SRFBP1: variants seen among roughly 807,000 people sequenced by gnomAD.
SRFBP1 encodes serum response factor binding protein 1.
In SRFBP1, 47 loss-of-function variants were observed where a neutral mutation model predicts 45.5. That is an observed-to-expected ratio of 1.03 (90% CI 0.82 to 1.32). SRFBP1 has a LOEUF of 1.32. SRFBP1 is among the 40% of genes most tolerant of loss of function. The pLI is 0.00. For synonymous variants in SRFBP1, 203 were observed against 166.3 expected, an observed-to-expected ratio of 1.22 and a Z score of -1.70; for missense variants, 621 against 484.6, an observed-to-expected ratio of 1.28 and a Z score of -2.64.
chr5:122,030,692 C>T (rs996473084), downstream of SRFBP1, among the ~76,000 whole-genome samples: 3 of 151,522 alleles, frequency 2.0e-5, no homozygotes, highest in African/African-American at 7.3e-5. Flanking sequence ...GTTAAAATAG[C>T]GTCTTTAATG....
rs115530222 is a variant in SRFBP1, at chr5:122,013,071, G to A, written c.271-6189G>A. On this transcript the variant is annotated intron_variant, in intron 4 of 7. Coordinates refer to ENST00000339397, the MANE Select transcript of SRFBP1 (RefSeq NM_152546.3). ...AGAGATCTTCCAGATCAAAAGTCCT[G>A]ATGTTGCATTTTAGTCCCTCTTCAA... Among the ~76,000 whole-genome samples, 621 of 152,156 alleles carry A rather than the reference G, an allele frequency of 4.1e-3. 8 individuals carry two copies. Among genetic ancestry groups the A allele is most frequent in the African/African-American group, 0.014 (601 of 41,518 alleles).
chr5:122,055,476 T>A (rs1297413576), intron 2 of SRFBP1, among the ~76,000 whole-genome samples: 1 of 152,182 alleles, frequency 6.6e-6, no homozygotes, highest in Non-Finnish European at 1.5e-5. Flanking sequence ...CATTTGTAAA[T>A]GTAGTTGTAA....
intron 2 of SRFBP1, among the ~76,000 whole-genome samples, chr5:122,053,472 G>A (rs530585160): frequency 1.3e-5 from 2 of 152,286 alleles, no homozygotes; most frequent in East Asian, 3.9e-4. Flanking sequence ...CTCCAACTGA[G>A]TTCATGCAGA....
At chr5:122,009,578 G>GT (rs1753047262) in intron 4 of SRFBP1, among the ~76,000 whole-genome samples, 1 of 152,328 alleles carries the variant, frequency 6.6e-6, no homozygotes, top group African/African-American at 2.4e-5. Context: ...CTTCAGATGA[G>GT]TAGAAGGATA....
intron 7 of SRFBP1, among the ~76,000 whole-genome samples, chr5:122,024,514 CTTCA>C (rs1405470240): frequency 6.6e-6 from 1 of 152,174 alleles, no homozygotes; most frequent in Non-Finnish European, 1.5e-5. Context: ...TAGGAGTTCT[CTTCA>C]TTCATCAGCG....
At position 122,069,156 on chromosome 5, in the gene SRFBP1, A is replaced by T. The variant is rs79242217; in HGVS notation, n.312-6159A>T. Among the ~76,000 whole-genome samples, 862 of 152,242 alleles carry T rather than the reference A, an allele frequency of 5.7e-3. 10 individuals are homozygous for T. Among genetic ancestry groups the T allele is most frequent in the African/African-American group, 0.02 (815 of 41,556 alleles). ...TATGTAGAAAGTCCTGGGTTTTTGT[A>T]TCAGGCAGAAATTTCTATTAATTAT... is the stretch of plus-strand genomic sequence containing the variant. On this transcript the variant is annotated intron_variant and non_coding_transcript_variant, in intron 2 of 2. Transcript: ENST00000504881.
chr5:122,006,353 G>T (rs1285960528), intron 4 of SRFBP1, among the ~76,000 whole-genome samples: 1 of 152,066 alleles, frequency 6.6e-6, no homozygotes, highest in African/African-American at 2.4e-5. Context: ...TTGACAGTTT[G>T]ATTATGTGTC....
intron 1 of SRFBP1, among the ~76,000 whole-genome samples, chr5:121,969,893 T>G (rs1752151902): frequency 6.6e-6 from 1 of 152,138 alleles, no homozygotes; most frequent in East Asian, 1.9e-4. Flanking sequence ...TGCCTCTGTT[T>G]TCTCTGTGCT....
chr5:122,060,957 A>T (rs530253305), intron 2 of SRFBP1, among the ~76,000 whole-genome samples: 1 of 152,236 alleles, frequency 6.6e-6, no homozygotes, highest in South Asian at 2.1e-4. Flanking sequence ...GTTGTTTTTC[A>T]TTCACGAATC....
At chr5:121,965,250 A>G (rs1393047797) in intron 1 of SRFBP1, among the ~76,000 whole-genome samples, 3 of 152,100 alleles carry the variant, frequency 2.0e-5, no homozygotes, top group Admixed American at 6.5e-5. Context: ...TGTTTTAGTC[A>G]TGTAGTCTTT....
At chr5:121,980,030 A>C (rs148087211) in intron 3 of SRFBP1, among the ~76,000 whole-genome samples, 70 of 152,308 alleles carry the variant, frequency 4.6e-4, no homozygotes, top group African/African-American at 1.4e-3. Context: ...GCTTACCAGC[A>C]TGTTAACACG....
intron 4 of SRFBP1, among the ~76,000 whole-genome samples, chr5:121,999,395 T>G (rs1396582241): frequency 6.6e-6 from 1 of 152,148 alleles, no homozygotes; most frequent in Non-Finnish European, 1.5e-5. Flanking sequence ...GTATAGCATA[T>G]CTTGGTAAAT....
At position 122,015,846 on chromosome 5, in the gene SRFBP1, A is replaced by G. The variant is rs77927672; in HGVS notation, c.271-3414A>G. On this transcript the variant is annotated intron_variant, in intron 4 of 7. Transcript: ENST00000339397. ...AGCTTTTTTATTTTAAGCACTAGCTATTAACTTTATGTTGTGGTAGGTAAA... is the reference window on the plus strand; with the variant it reads ...AGCTTTTTTATTTTAAGCACTAGCTGTTAACTTTATGTTGTGGTAGGTAAA... Among the ~76,000 whole-genome samples, 1,050 of 152,286 alleles carry G rather than the reference A, an allele frequency of 6.9e-3. 11 individuals carry two copies. Among genetic ancestry groups the G allele is most frequent in the African/African-American group, 0.023 (967 of 41,558 alleles).
chr5:121,998,108 G>T (rs6595338), intron 4 of SRFBP1, among the ~76,000 whole-genome samples: 2 of 151,016 alleles, frequency 1.3e-5, no homozygotes, highest in African/African-American at 4.8e-5. Context: ...TCAGTGTGGC[G>T]ATTCCTCAGG....
chr5:121,983,876 G>T (rs1015493840), intron 3 of SRFBP1, among the ~76,000 whole-genome samples: 20 of 151,680 alleles, frequency 1.3e-4, no homozygotes, highest in African/African-American at 4.8e-4. Context: ...TTGTTCTCCT[G>T]TTCAAGACCC....
intron 3 of SRFBP1, among the ~76,000 whole-genome samples, chr5:121,981,721 T>C (rs1024376681): frequency 2.6e-5 from 4 of 152,010 alleles, no homozygotes; most frequent in African/African-American, 9.7e-5. Context: ...TAGGAAACTT[T>C]CCCTGGCACT....
downstream of SRFBP1, among the ~76,000 whole-genome samples, chr5:122,030,412 T>TG (rs956970296): frequency 6.6e-6 from 1 of 152,196 alleles, no homozygotes; most frequent in African/African-American, 2.4e-5. Flanking sequence ...TGGCAGCCAC[T>TG]GGAGGGAGTT....
intron 3 of SRFBP1, among the ~76,000 whole-genome samples, chr5:121,986,162 T>G (rs1752513180): frequency 6.6e-6 from 1 of 151,968 alleles, no homozygotes; most frequent in South Asian, 2.1e-4. Context: ...TAACCAAGAA[T>G]ATGGGTCCAA....
chr5:122,068,836 T>C (rs1754372599), intron 2 of SRFBP1, among the ~76,000 whole-genome samples: 1 of 152,046 alleles, frequency 6.6e-6, no homozygotes, highest in Non-Finnish European at 1.5e-5. Flanking sequence ...AAATGGAGAA[T>C]GGATGAATAA....
Sources: gnomAD v4.1 joint callset for allele counts (sites outside exome capture counted in the v4.1 genomes callset) on GRCh38, gnomAD v4.1.1 for gene constraint, MANE v1.5 for transcripts, NCBI Gene and HGNC (gene_info 2026-07-23, HGNC 2026-07-21) for gene names.